Variants in PARVG observed in about 807,000 individuals in gnomAD.
PARVG encodes the protein gamma-parvin.
In PARVG, 36 loss-of-function variants were observed where a neutral mutation model predicts 44.4. The ratio of observed to expected loss-of-function variants is 0.81; its 90% CI spans 0.62 to 1.07. The LOEUF (loss-of-function observed/expected upper bound fraction) is 1.07. Ranked by LOEUF, PARVG falls within the 50% of genes least tolerant of loss-of-function variation. PARVG has a pLI of 0.00. For synonymous variants in PARVG, 170 were observed against 174.1 expected (o/e 0.98, Z 0.19); for missense variants, 407 against 407.4 (o/e 1.00, Z 0.01).
intron 12 of PARVG, among the ~76,000 whole-genome samples, chr22:44,204,697 A>G (rs896038798): frequency 2.6e-5 from 4 of 152,206 alleles, no homozygotes; most frequent in Non-Finnish European, 5.9e-5. Flanking sequence ...GTGGCCAGGC[A>G]GATAGGGAGG....
chr22:44,206,268 C>A, intron 13 of PARVG, 49 bp from the exon 14 acceptor site: 2 of 1,366,460 alleles, frequency 1.5e-6, no homozygotes, highest in South Asian at 2.3e-5. Context: ...GACAGTCGGT[C>A]ACTGCCACCC....
At position 44,181,105 on chromosome 22, in the gene PARVG, C is replaced by T; in HGVS notation, c.-269C>T. The T allele has an allele frequency of 1.8e-6, 1 of 564,866 alleles. No homozygotes were observed. The highest frequency in any genetic ancestry group is 2.2e-6 in the Non-Finnish European group (1 of 445,478). The allele number at this position is 564,866 out of a possible 1,614,324, so 35.0% of individuals were successfully genotyped here. On this transcript the variant is annotated 5_prime_UTR_variant, in exon 1 of 14. Transcript: ENST00000444313. ...AAGGCCCCATTCTCCTCTGGAAAGC[C>T]TTCCCGATCCCCTTGGCAACAACCA...
In PARVG at chr22:44,181,636, G is replaced by A. The variant is rs1362320982; in HGVS notation, c.-188-106G>A. The A allele has an allele frequency of 1.2e-5, 10 of 858,816 alleles. No homozygotes were observed. In the African/African-American group the frequency reaches 1.5e-4, roughly 13 times the overall value. The allele number at this position is 858,816 out of a possible 1,614,324, so 53.2% of individuals were successfully genotyped here. A position where few individuals can be genotyped will look rare whatever the true frequency, so the allele number is the denominator to read the frequency against. ...GAGTTTAAGTGGCCTGCAGAACCCC[G>A]GGGGCCCAGGCGGCACGGCGGGCGC... On this transcript the variant is annotated intron_variant, in intron 1 of 13. Transcript: ENST00000444313.
chr22:44,193,881 C>A, intron 9 of PARVG, 58 bp downstream of exon 9: 1 of 1,593,726 alleles, frequency 6.3e-7, no homozygotes, highest in Non-Finnish European at 8.6e-7. Flanking sequence ...TTAATGCAGA[C>A]AAGTCTTAAT....
In PARVG at chr22:44,193,661, A is replaced by G. The variant is rs1027300425; in HGVS notation, c.561-140A>G. 10 of 1,060,540 alleles carry G rather than the reference A, an allele frequency of 9.4e-6. No homozygotes were observed. The African/African-American group carries it at 1.4e-4, about 15-fold the overall frequency. 65.7% of individuals were successfully genotyped at this position (1,060,540 alleles called of 1,614,324 possible). On this transcript the variant is annotated intron_variant, in intron 8 of 13. Transcript: ENST00000444313. Reference sequence around the variant, plus strand: ...ACCTTCTCTGCTATCTGCCCTACCTACAAAGCTGCCAGGAAAACCACAAGC... The same window carrying G: ...ACCTTCTCTGCTATCTGCCCTACCTGCAAAGCTGCCAGGAAAACCACAAGC...
chr22:44,184,238 A>T (rs1295990971), intron 3 of PARVG: 1 of 152,320 alleles, frequency 6.6e-6, no homozygotes, highest in Non-Finnish European at 1.5e-5. Context: ...AACCACAAAA[A>T]CATAAATGTG....
intron 6 of PARVG, among the ~76,000 whole-genome samples, chr22:44,189,883 C>T (rs1212008215): frequency 6.6e-6 from 1 of 152,190 alleles, no homozygotes; most frequent in Non-Finnish European, 1.5e-5. Flanking sequence ...CACCACTTCA[C>T]TCCAGTCTGG....
intron 2 of PARVG, 106 bp from the exon 3 acceptor site, chr22:44,183,212 C>T: frequency 9.4e-7 from 1 of 1,058,776 alleles, no homozygotes; most frequent in Non-Finnish European, 1.3e-6. Flanking sequence ...TCCCCAGAAC[C>T]TGGCTTCTAC....
At chr22:44,178,770 C>G (rs1379679604), upstream of PARVG, among the ~76,000 whole-genome samples, 5 of 150,950 alleles carry the variant, frequency 3.3e-5, no homozygotes, top group African/African-American at 1.2e-4. Flanking sequence ...TGTGTGATGC[C>G]TGAATGGATC....
chr22:44,194,487 C>A (rs1422151080), intron 9 of PARVG, among the ~76,000 whole-genome samples: 1 of 152,088 alleles, frequency 6.6e-6, no homozygotes, highest in Non-Finnish European at 1.5e-5. Flanking sequence ...ATCCACCCAC[C>A]CACCTATCCA....
chr22:44,185,783 C>T (rs745632818), intron 3 of PARVG, 25 bp from the exon 4 acceptor site: 1 of 1,607,246 alleles, frequency 6.2e-7, no homozygotes, highest in Non-Finnish European at 8.5e-7. Context: ...TCCCCATGCG[C>T]TTGTCATACC....
At chr22:44,185,524 A>G in intron 3 of PARVG, 1 of 310,652 alleles carries the variant, frequency 3.2e-6, no homozygotes, top group Non-Finnish European at 6.3e-6. Flanking sequence ...CTTTACCTAA[A>G]TAGGTAGGGT....
chr22:44,203,546 G>A (rs144448273), intron 12 of PARVG, among the ~76,000 whole-genome samples: 47 of 152,316 alleles, frequency 3.1e-4, no homozygotes, highest in African/African-American at 1.1e-3. Context: ...ATCAAAGGCG[G>A]AGCTTTGAGG....
intron 3 of PARVG, chr22:44,184,087 C>G (rs2054427533): frequency 6.5e-6 from 1 of 154,394 alleles, no homozygotes; most frequent in Non-Finnish European, 1.4e-5. Flanking sequence ...GGAGATGGCT[C>G]AAAAGAAGGA....
intron 12 of PARVG, among the ~76,000 whole-genome samples, chr22:44,202,008 TGG>T (rs1446102750): frequency 6.6e-6 from 1 of 152,196 alleles, no homozygotes; most frequent in East Asian, 1.9e-4. Context: ...GCAAAGTGTG[TGG>T]GTGCAGAATT....
In PARVG at chr22:44,187,786, A is replaced by G; in HGVS notation, c.155A>G (p.Glu52Gly). The G allele has an allele frequency of 6.2e-7, 1 of 1,614,198 alleles. No homozygotes were observed. Among genetic ancestry groups the G allele is most frequent in the Non-Finnish European group, 8.5e-7 (1 of 1,180,020 alleles). ...CCTTGGAGCCTGCAGGTGTTGATGG[A>G]GTGGATCAATGCCACTCTTCTCCCC... ...KFEELQKVLM[E>G]WINATLLPEH... Residue 52 changes from glutamate (E) to glycine (G), a missense_variant, in exon 5 of 14, where the codon GAG becomes GGG. Physicochemically the swap from Glu to Gly is moderately conservative, Grantham distance 98. Transcript: ENST00000444313.
At chr22:44,200,818 G>A (rs569788474) in intron 12 of PARVG, among the ~76,000 whole-genome samples, 2 of 152,232 alleles carry the variant, frequency 1.3e-5, no homozygotes, top group East Asian at 3.9e-4. Flanking sequence ...CCAGTAGCAG[G>A]TGAGGTCCCC....
rs983976184 is a variant in PARVG at position 44,206,504 on chromosome 22, G to A, written c.*78G>A. 2.3e-6 allele frequency: 3 copies of A among 1,290,420 alleles called. No homozygotes were observed. Among genetic ancestry groups the A allele is most frequent in the East Asian group, 2.3e-5 (1 of 43,024 alleles). The allele number at this position is 1,290,420 out of a possible 1,614,324, so 79.9% of individuals were successfully genotyped here. On this transcript the variant is annotated 3_prime_UTR_variant, in exon 14 of 14. Coordinates refer to ENST00000444313, the MANE Select transcript of PARVG (RefSeq NM_022141.7). ...CGAGGCTGCAGGGTGTCCTCCCACA[G>A]TCCCGCTGTTTCCTGTGCATTCGTG...
At chr22:44,181,489 GT>G in intron 1 of PARVG, 1 of 809,892 alleles carries the variant, frequency 1.2e-6, no homozygotes, top group Non-Finnish European at 1.5e-6. Flanking sequence ...GGTGCTGGTG[GT>G]GGGTTGCGGG....
Sources: gnomAD v4.1 joint callset for allele counts (sites outside exome capture counted in the v4.1 genomes callset) on GRCh38, gnomAD v4.1.1 for gene constraint, MANE v1.5 for transcripts, NCBI Gene and HGNC (gene_info 2026-07-23, HGNC 2026-07-21) for gene names.